The following GFI1B variants were observed in gnomAD, a reference collection of about 807,000 sequenced individuals.
GFI1B encodes the protein growth factor independent 1B transcriptional repressor, also known as zinc finger protein Gfi-1b.
Under a neutral mutation model 35.3 loss-of-function variants are expected in GFI1B, and 20 were observed. The observed-to-expected ratio is 0.57, with a 90% CI of 0.40 to 0.82. The LOEUF is 0.82. GFI1B is among the 40% of genes least tolerant of loss of function. The pLI is 0.00. For missense variants in GFI1B, 430 were observed against 446.3 expected (o/e 0.96, Z 0.33); for synonymous variants, 178 against 177.6 (o/e 1.00, Z -0.02).
At chr9:132,950,995 A>G (rs1848193190) in intron 1 of GFI1B, among the ~76,000 whole-genome samples, 1 of 151,814 alleles carries the variant, frequency 6.6e-6, no homozygotes, top group South Asian at 2.1e-4. Flanking sequence ...GTGGTATCAC[A>G]CCCAGCTAAT....
chr9:132,986,351 C>T (rs902490365), intron 1 of GFI1B, among the ~76,000 whole-genome samples: 15 of 151,956 alleles, frequency 9.9e-5, no homozygotes, highest in East Asian at 7.7e-4. Flanking sequence ...GCTCTGTTGT[C>T]GGCACACGGC....
downstream of GFI1B, among the ~76,000 whole-genome samples, chr9:132,991,919 A>C (rs948176227): frequency 1.3e-5 from 2 of 152,242 alleles, no homozygotes; most frequent in East Asian, 3.9e-4. Flanking sequence ...AGGCTAGTGC[A>C]GCTGGGGCGG....
chr9:132,958,130 C>T (rs920947697), intron 1 of GFI1B, among the ~76,000 whole-genome samples: 22 of 151,842 alleles, frequency 1.4e-4, no homozygotes, highest in African/African-American at 5.1e-4. Context: ...TTAATTGGGT[C>T]GACATCTGCT....
chr9:132,947,378 TAAGAC>T (rs1291127815), intron 1 of GFI1B: 1 of 113,992 alleles, frequency 8.8e-6, no homozygotes, highest in Admixed American at 9.0e-5. Context: ...AAAGAAAGCT[TAAGAC>T]AAGTTCAATT....
At chr9:132,947,670 G>C (rs1186226069) in intron 1 of GFI1B, among the ~76,000 whole-genome samples, 1 of 151,872 alleles carries the variant, frequency 6.6e-6, no homozygotes, top group Non-Finnish European at 1.5e-5. Flanking sequence ...TTAGCCAGGC[G>C]TGGTGGCGGG....
At chr9:132,969,313 G>T (rs1049147069) in intron 1 of GFI1B, among the ~76,000 whole-genome samples, 3 of 152,230 alleles carry the variant, frequency 2.0e-5, no homozygotes, top group Admixed American at 2.0e-4. Context: ...TTACAGGCGT[G>T]AGCCACTGTG....
chr9:132,959,932 C>T (rs1428465865), intron 1 of GFI1B, among the ~76,000 whole-genome samples: 1 of 152,196 alleles, frequency 6.6e-6, no homozygotes, highest in Non-Finnish European at 1.5e-5. Flanking sequence ...AACCGAACTT[C>T]ATCTTCAAAG....
chr9:132,970,011 C>A (rs759513612), intron 1 of GFI1B, among the ~76,000 whole-genome samples: 1 of 152,102 alleles, frequency 6.6e-6, no homozygotes, highest in Admixed American at 6.6e-5. Context: ...TGTTGATTCC[C>A]CCACCTCAGC....
chr9:132,960,882 A>T (rs796857571), intron 1 of GFI1B, among the ~76,000 whole-genome samples: 1 of 151,744 alleles, frequency 6.6e-6, no homozygotes, highest in Non-Finnish European at 1.5e-5. Flanking sequence ...ACGCCTCTAC[A>T]CACCCCCAGC....
chr9:132,984,937 C>A (rs973454571), intron 1 of GFI1B, among the ~76,000 whole-genome samples: 1 of 152,202 alleles, frequency 6.6e-6, no homozygotes, highest in Non-Finnish European at 1.5e-5. Context: ...TAATCTCCCA[C>A]CTCCCACCCT....
chr9:132,977,393 G>A (rs1176343678), upstream of GFI1B, among the ~76,000 whole-genome samples: 1 of 152,166 alleles, frequency 6.6e-6, no homozygotes, highest in African/African-American at 2.4e-5. Context: ...ACAGGGTTGT[G>A]TCCTCCTGGC....
At chr9:132,960,756 T>C (rs111705728) in intron 1 of GFI1B, among the ~76,000 whole-genome samples, 3,098 of 151,826 alleles carry the variant, frequency 0.02, 110 homozygotes, top group African/African-American at 0.07. Context: ...CCCACCTCAG[T>C]CTCCCAAAAC....
At chr9:132,955,717 C>T (rs777333482) in intron 1 of GFI1B, among the ~76,000 whole-genome samples, 7 of 151,696 alleles carry the variant, frequency 4.6e-5, no homozygotes, top group Non-Finnish European at 8.8e-5. Flanking sequence ...TTAACATAAA[C>T]GGATTGGTTG....
At chr9:132,972,188 A>C (rs946151035) in intron 1 of GFI1B, among the ~76,000 whole-genome samples, 1 of 152,000 alleles carries the variant, frequency 6.6e-6, no homozygotes, top group African/African-American at 2.4e-5. Context: ...TTTGGAAGCC[A>C]AGGCAGGCAG....
intron 2 of GFI1B, chr9:132,972,803 A>T (rs1395048057): frequency 6.6e-6 from 1 of 152,092 alleles, no homozygotes; most frequent in East Asian, 1.9e-4. Context: ...TGTGGAGCGG[A>T]GCGCCTGGGT....
intron 1 of GFI1B, among the ~76,000 whole-genome samples, chr9:132,984,864 T>A (rs1303241784): frequency 6.6e-6 from 1 of 152,174 alleles, no homozygotes; most frequent in Non-Finnish European, 1.5e-5. Context: ...CTCTTCTGCC[T>A]GGCTGTGGTT....
At chr9:132,950,534 C>T (rs1035111217) in intron 1 of GFI1B, among the ~76,000 whole-genome samples, 4 of 146,986 alleles carry the variant, frequency 2.7e-5, no homozygotes, top group African/African-American at 7.7e-5. Context: ...CGGTGGCTCA[C>T]GCCTGTAATC....
intron 1 of GFI1B, among the ~76,000 whole-genome samples, chr9:132,982,985 G>T (rs756894273): frequency 5.3e-5 from 8 of 152,090 alleles, no homozygotes; most frequent in Admixed American, 1.3e-4. Context: ...GCTCATGAGC[G>T]CTAGAAAGTG....
intron 1 of GFI1B, among the ~76,000 whole-genome samples, chr9:132,984,436 G>T (rs761587367): frequency 1.3e-5 from 2 of 152,182 alleles, no homozygotes; most frequent in Non-Finnish European, 2.9e-5. Flanking sequence ...GAATCTGACC[G>T]CGGGAAGGGA....
Sources: gnomAD v4.1 joint callset for allele counts (sites outside exome capture counted in the v4.1 genomes callset) on GRCh38, gnomAD v4.1.1 for gene constraint, MANE v1.5 for transcripts, NCBI Gene and HGNC (gene_info 2026-07-23, HGNC 2026-07-21) for gene names.